NTRK2: variants seen among roughly 807,000 people sequenced by gnomAD.
NTRK2 encodes the protein BDNF/NT-3 growth factors receptor.
A neutral mutation model predicts 94.5 loss-of-function variants in NTRK2; 13 were observed. That is an observed-to-expected ratio of 0.14 (90% CI 0.09 to 0.22). The LOEUF is 0.22. Ranked by LOEUF, NTRK2 falls within the 10% of genes least tolerant of loss-of-function variation. The pLI, the probability that NTRK2 is intolerant of heterozygous loss-of-function variation, is 1.00. For synonymous variants in NTRK2, 372 were observed against 407.4 expected (o/e 0.91, Z 1.05); for missense variants, 639 against 1,071.2 (o/e 0.60, Z 5.63).
intron 12 of NTRK2, among the ~76,000 whole-genome samples, chr9:84,788,929 C>A (rs1001974863): frequency 1.3e-5 from 2 of 152,144 alleles, no homozygotes; most frequent in African/African-American, 4.8e-5. Flanking sequence ...AGGTAAGTAG[C>A]GCATCCTCTA....
At chr9:84,756,313 G>A (rs72737685) in intron 12 of NTRK2, among the ~76,000 whole-genome samples, 3,936 of 152,250 alleles carry the variant, frequency 0.026, 68 homozygotes, top group Non-Finnish European at 0.04. Context: ...TTTAGCTCTC[G>A]CATTGCTTCC....
intron 17 of NTRK2, among the ~76,000 whole-genome samples, chr9:84,976,381 A>G (rs1001606085): frequency 6.6e-6 from 1 of 152,102 alleles, no homozygotes; most frequent in Non-Finnish European, 1.5e-5. Flanking sequence ...TTTAACTTTT[A>G]TTACCTCCTT....
intron 12 of NTRK2, among the ~76,000 whole-genome samples, chr9:84,784,125 G>A (rs111533131): frequency 1.3e-5 from 2 of 152,306 alleles, no homozygotes; most frequent in African/African-American, 4.8e-5. Context: ...GAAAGGCAGA[G>A]GGGAGTCAGA....
intron 14 of NTRK2, among the ~76,000 whole-genome samples, chr9:84,917,203 T>C (rs908604899): frequency 1.2e-4 from 18 of 152,214 alleles, no homozygotes; most frequent in African/African-American, 4.3e-4. Flanking sequence ...TTGTACACCA[T>C]CATACATTAT....
At chr9:84,966,097 A>G (rs1260273052) in intron 17 of NTRK2, among the ~76,000 whole-genome samples, 1 of 152,216 alleles carries the variant, frequency 6.6e-6, no homozygotes, top group Non-Finnish European at 1.5e-5. Context: ...ACCAGGTACA[A>G]CTAGTTTAAA....
At chr9:84,883,788 G>A (rs1303933576) in intron 14 of NTRK2, among the ~76,000 whole-genome samples, 3 of 152,166 alleles carry the variant, frequency 2.0e-5, no homozygotes, top group Admixed American at 6.5e-5. Context: ...CCCAAAGTGG[G>A]TGAGATTAGG....
intron 12 of NTRK2, among the ~76,000 whole-genome samples, chr9:84,845,226 G>A (rs1397241777): frequency 6.7e-6 from 1 of 150,344 alleles, no homozygotes; most frequent in Admixed American, 6.6e-5. Flanking sequence ...TGACCAATGA[G>A]TGGATAAAGA....
At chr9:84,737,791 C>A (rs189029579) in intron 9 of NTRK2, among the ~76,000 whole-genome samples, 69 of 148,510 alleles carry the variant, frequency 4.6e-4, no homozygotes, top group Admixed American at 4.2e-3. Flanking sequence ...CCTTCCCCCC[C>A]ATCCGTCTCT....
intron 14 of NTRK2, chr9:84,872,754 G>T: frequency 9.4e-7 from 1 of 1,064,780 alleles, no homozygotes; most frequent in East Asian, 5.0e-5. Context: ...TTTCCTAGTG[G>T]TTACATGCTT....
At chr9:85,011,225 C>T (rs968899452) in intron 17 of NTRK2, among the ~76,000 whole-genome samples, 7 of 151,952 alleles carry the variant, frequency 4.6e-5, no homozygotes, top group Admixed American at 1.3e-4. Flanking sequence ...GTTGGGTCTT[C>T]ACTTGGGAAT....
intron 14 of NTRK2, among the ~76,000 whole-genome samples, chr9:84,907,883 G>A (rs1381106127): frequency 3.3e-5 from 5 of 152,086 alleles, no homozygotes; most frequent in Non-Finnish European, 5.9e-5. Context: ...CTTACATAAA[G>A]GTCAGACAAT....
intron 9 of NTRK2, among the ~76,000 whole-genome samples, chr9:84,739,030 T>A (rs920818052): frequency 6.6e-6 from 1 of 151,662 alleles, no homozygotes; most frequent in Non-Finnish European, 1.5e-5. Flanking sequence ...GACCTATTTT[T>A]AATTAAATTA....
chr9:84,670,113 C>T (rs2131256764), intron 1 of NTRK2, among the ~76,000 whole-genome samples: 1 of 152,114 alleles, frequency 6.6e-6, no homozygotes, highest in African/African-American at 2.4e-5. Context: ...CGGCCTGTAC[C>T]ATGGAATCCT....
At chr9:84,793,456 A>AT (rs1236219085) in intron 12 of NTRK2, among the ~76,000 whole-genome samples, 1 of 152,098 alleles carries the variant, frequency 6.6e-6, no homozygotes, top group Non-Finnish European at 1.5e-5. Flanking sequence ...GAGAGGCTGC[A>AT]TTTTTCATAT....
intron 17 of NTRK2, among the ~76,000 whole-genome samples, chr9:84,988,744 T>A (rs1007235269): frequency 1.3e-5 from 2 of 152,238 alleles, no homozygotes; most frequent in African/African-American, 4.8e-5. Context: ...GCCACTTGCC[T>A]GTGCTACAGG....
chr9:84,874,692 C>T, intron 14 of NTRK2: 1 of 1,062,310 alleles, frequency 9.4e-7, no homozygotes, highest in Non-Finnish European at 1.1e-6. Context: ...TCCTTGGACT[C>T]AGCCCCTAAC....
chr9:84,938,408 A>T (rs901394767), intron 15 of NTRK2, among the ~76,000 whole-genome samples: 5 of 152,148 alleles, frequency 3.3e-5, no homozygotes, highest in African/African-American at 7.2e-5. Context: ...CCATCCACGC[A>T]TCAGCTCTCA....
chr9:84,867,516 G>C, intron 14 of NTRK2, 85 bp downstream of exon 14: 2 of 1,129,982 alleles, frequency 1.8e-6, no homozygotes, highest in South Asian at 1.2e-5. Context: ...TGATAGGGAT[G>C]ACTGGCGGGG....
chr9:84,752,625 G>T (rs1327640634), intron 12 of NTRK2, among the ~76,000 whole-genome samples: 1 of 152,054 alleles, frequency 6.6e-6, no homozygotes, highest in African/African-American at 2.4e-5. Context: ...TATTTAAGTG[G>T]AAAAATTAGC....
Sources: allele counts gnomAD v4.1 joint callset (sites outside exome capture counted in the v4.1 genomes callset), GRCh38; gene constraint gnomAD v4.1.1; transcripts MANE v1.5; gene names NCBI Gene and HGNC (gene_info 2026-07-23, HGNC 2026-07-21).